The following USP49 variants were observed in gnomAD, a reference collection of about 807,000 sequenced individuals.
The protein encoded by USP49 is ubiquitin carboxyl-terminal hydrolase 49.
In USP49, 24 loss-of-function variants were observed where a neutral mutation model predicts 58.6. That is an observed-to-expected ratio of 0.41 (90% confidence interval 0.30 to 0.58). The LOEUF is 0.58. Among genes scored for constraint, USP49 ranks in the 20% least tolerant of loss-of-function variants. The probability of loss-of-function intolerance (pLI) is 0.30; values close to 1 mark genes in which losing one functional copy is unlikely to be tolerated. For missense variants in USP49, 703 were observed against 866.1 expected (o/e 0.81, Z 2.36); for synonymous variants, 408 against 365.1 (o/e 1.12, Z -1.34).
intron 3 of USP49, among the ~76,000 whole-genome samples, chr6:41,856,648 G>C (rs1774137442): frequency 2.0e-5 from 3 of 152,190 alleles, no homozygotes; most frequent in Admixed American, 2.0e-4. Flanking sequence ...TTTCTGAAGA[G>C]AGGATGCCAG....
intron 3 of USP49, among the ~76,000 whole-genome samples, chr6:41,840,670 T>G (rs1773809636): frequency 6.6e-6 from 1 of 152,194 alleles, no homozygotes; most frequent in Non-Finnish European, 1.5e-5. Context: ...CTGTATAAAC[T>G]ATTGCTATTT....
Position 41,795,601 on chromosome 6 carries a change from C to T in USP49, c.*932G>A, listed in dbSNP as rs1174535154. On this transcript the variant is annotated 3_prime_UTR_variant, in exon 8 of 8. Transcript: ENST00000682992. ...AGCTGCAGGCTAAGAAGCTGCATGC[C>T]GCACTGAAGTGAGAACGGGTGACAG... 2 of 152,194 alleles carry T rather than the reference C, an allele frequency of 1.3e-5. No individual in the cohort carries two copies. Among genetic ancestry groups the T allele is most frequent in the Middle Eastern group, 3.2e-3 (1 of 316 alleles). 9.4% of individuals were successfully genotyped at this position (152,194 alleles called of 1,614,324 possible). A position where few individuals can be genotyped will look rare whatever the true frequency, so the allele number is the denominator to read the frequency against.
chr6:41,886,358 A>G (rs956446303), intron 2 of USP49: 3 of 152,248 alleles, frequency 2.0e-5, no homozygotes, highest in Admixed American at 6.5e-5. Context: ...CTGTTCATAA[A>G]TGCTGATTCG....
chr6:41,833,899 G>A (rs1313827556), intron 3 of USP49, among the ~76,000 whole-genome samples: 1 of 152,220 alleles, frequency 6.6e-6, no homozygotes, highest in Non-Finnish European at 1.5e-5. Context: ...AGCTGTTGCT[G>A]AATTCTGCCC....
At chr6:41,819,413 T>C (rs1773415560) in intron 3 of USP49, among the ~76,000 whole-genome samples, 1 of 152,080 alleles carries the variant, frequency 6.6e-6, no homozygotes, top group Non-Finnish European at 1.5e-5. Context: ...ATCCCTGTAG[T>C]ATGCCTCTCT....
chr6:41,801,719 G>T (rs1021528787), intron 5 of USP49, among the ~76,000 whole-genome samples: 1 of 152,180 alleles, frequency 6.6e-6, no homozygotes, highest in African/African-American at 2.4e-5. Context: ...AACTGAGATT[G>T]ATCAGTTCTG....
intron 3 of USP49, among the ~76,000 whole-genome samples, chr6:41,817,722 T>G (rs976085287): frequency 7.2e-5 from 11 of 151,952 alleles, no homozygotes; most frequent in African/African-American, 2.4e-4. Flanking sequence ...TTCAAGCAAT[T>G]CTCCTGCCTC....
chr6:41,802,408 T>TTA, intron 5 of USP49, among the ~76,000 whole-genome samples: 1 of 36,770 alleles, frequency 2.7e-5, no homozygotes, highest in East Asian at 8.1e-4. Context: ...TTATTTTATT[T>TTA]TTTATTTTAT....
intron 3 of USP49, among the ~76,000 whole-genome samples, chr6:41,821,380 GT>G (rs1773450087): frequency 6.6e-6 from 1 of 152,120 alleles, no homozygotes; most frequent in East Asian, 1.9e-4. Context: ...GATTATCTCT[GT>G]CTTTGGAGGG....
intron 6 of USP49, among the ~76,000 whole-genome samples, 180 bp from the exon 7 acceptor site, chr6:41,799,109 T>TATTTA: frequency 6.6e-6 from 1 of 151,880 alleles, no homozygotes; most frequent in African/African-American, 2.4e-5. Flanking sequence ...TTTATTTATT[T>TATTTA]ATTTATTTTC....
intron 3 of USP49, among the ~76,000 whole-genome samples, chr6:41,822,586 G>A (rs781668781): frequency 1.3e-5 from 2 of 152,152 alleles, no homozygotes; most frequent in African/African-American, 2.4e-5. Context: ...GGTGGCTCAT[G>A]CCTGTAATCC....
chr6:41,836,645 T>C (rs1345951642), intron 3 of USP49, among the ~76,000 whole-genome samples: 1 of 151,852 alleles, frequency 6.6e-6, no homozygotes, highest in Non-Finnish European at 1.5e-5. Context: ...AAAAAGTAAA[T>C]CGATAAATAA....
intron 3 of USP49, among the ~76,000 whole-genome samples, chr6:41,845,847 T>C (rs114909254): frequency 0.016 from 2,459 of 152,312 alleles, 74 homozygotes; most frequent in African/African-American, 0.056. Flanking sequence ...TCTTTTGAGA[T>C]TTTAACATGC....
chr6:41,868,696 T>C (rs908244483), intron 3 of USP49: 1 of 152,120 alleles, frequency 6.6e-6, no homozygotes, highest in Non-Finnish European at 1.5e-5. Context: ...GATAGAATAG[T>C]CCATAATAAT....
intron 3 of USP49, among the ~76,000 whole-genome samples, chr6:41,844,976 C>CTG (rs1773896319): frequency 6.6e-6 from 1 of 152,162 alleles, no homozygotes; most frequent in Non-Finnish European, 1.5e-5. Context: ...TCTCGGCTCA[C>CTG]TGCAACCTCT....
intron 2 of USP49, chr6:41,874,386 C>A (rs1004491251): frequency 2.0e-5 from 3 of 152,144 alleles, no homozygotes; most frequent in Admixed American, 6.5e-5. Flanking sequence ...AAAATCCATT[C>A]TTGAAACCTT....
intron 3 of USP49, among the ~76,000 whole-genome samples, chr6:41,858,560 C>T (rs545437670): frequency 4.6e-5 from 7 of 152,238 alleles, no homozygotes; most frequent in African/African-American, 1.7e-4. Flanking sequence ...CATTATTCTT[C>T]CTCTCACTTA....
At chr6:41,862,738 T>C (rs1774244607) in intron 3 of USP49, among the ~76,000 whole-genome samples, 1 of 152,222 alleles carries the variant, frequency 6.6e-6, no homozygotes, top group Non-Finnish European at 1.5e-5. Context: ...TTCATATCTT[T>C]AACAAACCAT....
chr6:41,823,203 C>T (rs1426525238), intron 3 of USP49, among the ~76,000 whole-genome samples: 2 of 152,090 alleles, frequency 1.3e-5, no homozygotes, highest in East Asian at 3.8e-4. Context: ...ACAGCACATG[C>T]TTTGTGGGAT....
Sources: allele counts gnomAD v4.1 joint callset (sites outside exome capture counted in the v4.1 genomes callset), GRCh38; gene constraint gnomAD v4.1.1; transcripts MANE v1.5; gene names NCBI Gene and HGNC (gene_info 2026-07-23, HGNC 2026-07-21).